The following FOXP2 variants were observed in gnomAD, a reference collection of about 807,000 sequenced individuals.
The protein encoded by FOXP2 is forkhead box protein P2.
In FOXP2, 12 loss-of-function variants were observed where a neutral mutation model predicts 115.8. That is an observed-to-expected ratio of 0.10 (90% CI 0.07 to 0.17). The LOEUF is 0.17. Among genes scored for constraint, FOXP2 ranks in the 10% least tolerant of loss-of-function variants. The probability of loss-of-function intolerance (pLI) is 1.00; values close to 1 mark genes in which losing one functional copy is unlikely to be tolerated. For synonymous variants in FOXP2, 328 were observed against 297.7 expected (o/e 1.10, Z -1.05); for missense variants, 629 against 843.5 (o/e 0.75, Z 3.15).
chr7:114,165,370 A>G (rs1366561784), intron 1 of FOXP2, among the ~76,000 whole-genome samples: 1 of 152,246 alleles, frequency 6.6e-6, no homozygotes, highest in African/African-American at 2.4e-5. Context: ...GATTGTCTGT[A>G]TAGAAAATCC....
At chr7:114,447,924 A>T (rs1166665951) in intron 2 of FOXP2, among the ~76,000 whole-genome samples, 1 of 152,174 alleles carries the variant, frequency 6.6e-6, no homozygotes, top group East Asian at 1.9e-4. Context: ...AGCTGGAATG[A>T]AACATTTCAG....
intron 1 of FOXP2, among the ~76,000 whole-genome samples, chr7:114,280,756 AAGGGTATT>A (rs1446655003): frequency 6.6e-6 from 1 of 152,162 alleles, no homozygotes; most frequent in Non-Finnish European, 1.5e-5. Flanking sequence ...AGAAATTCAG[AAGGGTATT>A]AGGTTGTGAT....
intron 1 of FOXP2, among the ~76,000 whole-genome samples, chr7:114,090,813 CTT>C: frequency 6.8e-6 from 1 of 146,080 alleles, no homozygotes; most frequent in Middle Eastern, 3.6e-3. Context: ...ATTCTTGGAA[CTT>C]TTTTTTTTTC....
intron 3 of FOXP2, among the ~76,000 whole-genome samples, chr7:114,576,687 G>A (rs2129298939): frequency 6.6e-6 from 1 of 151,938 alleles, no homozygotes. Flanking sequence ...ACTGTATTTT[G>A]CATTTTAAAG....
chr7:114,637,236 A>T (rs780655158), intron 6 of FOXP2, among the ~76,000 whole-genome samples: 9 of 152,164 alleles, frequency 5.9e-5, no homozygotes, highest in Non-Finnish European at 1.3e-4. Context: ...CCTTTCATTT[A>T]CTCAGCTCCT....
At position 114,644,814 on chromosome 7, in the gene FOXP2, G is replaced by A. The variant is rs939563150; in HGVS notation, c.1094+25G>A. ...AGTAGGTTTTTTACTTTTTTTTGGT[G>A]GGGGGCGGGGGCTGGATTATATGGG... On this transcript the variant is annotated intron_variant, in intron 8 of 16. Transcript: ENST00000350908. 7.0e-6 allele frequency: 11 copies of A among 1,567,746 alleles called. No homozygotes were observed. In the Admixed American group the frequency reaches 8.4e-5, roughly 12 times the overall value.
intron 1 of FOXP2, among the ~76,000 whole-genome samples, chr7:114,211,022 CG>C (rs1202437965): frequency 6.6e-6 from 1 of 152,140 alleles, no homozygotes; most frequent in Middle Eastern, 3.2e-3. Context: ...TCTACCTAAA[CG>C]CAGAGATGAT....
At chr7:114,264,169 T>C (rs1285628673) in intron 1 of FOXP2, among the ~76,000 whole-genome samples, 2 of 152,130 alleles carry the variant, frequency 1.3e-5, no homozygotes, top group Non-Finnish European at 2.9e-5. Flanking sequence ...CTTATTCTAG[T>C]ATGATTATAC....
rs141829173 is a variant in FOXP2 at position 114,581,653 on chromosome 7, C to G, written c.259-46887C>G. Among the ~76,000 whole-genome samples, 226 of 152,292 alleles carry G rather than the reference C, an allele frequency of 1.5e-3. 1 individual carries two copies. The highest frequency in any genetic ancestry group is 5.0e-3 in the African/African-American group (209 of 41,570). ...AGTCCATAGATTACATTAGGGTTCA[C>G]TCTTGGTGTTGTACATTCTATGGGT... On this transcript the variant is annotated intron_variant, in intron 3 of 16. Transcript: ENST00000350908.
At chr7:114,332,592 G>A (rs978424607) in intron 2 of FOXP2, among the ~76,000 whole-genome samples, 3 of 152,006 alleles carry the variant, frequency 2.0e-5, no homozygotes, top group Non-Finnish European at 2.9e-5. Context: ...TATTTTATTT[G>A]TCTTTTTCTG....
intron 1 of FOXP2, among the ~76,000 whole-genome samples, chr7:114,283,128 A>T (rs1484149539): frequency 6.6e-6 from 1 of 152,148 alleles, no homozygotes; most frequent in Non-Finnish European, 1.5e-5. Context: ...CTTCACTGAA[A>T]TGTTGGTTAT....
intron 2 of FOXP2, among the ~76,000 whole-genome samples, chr7:114,391,884 GA>G (rs1363090285): frequency 1.3e-5 from 2 of 152,098 alleles, no homozygotes; most frequent in African/African-American, 4.8e-5. Context: ...TCTGTACTCT[GA>G]AAAGCATACT....
chr7:114,091,325 C>T lies in FOXP2; in HGVS notation c.-247+3487C>T, dbSNP rs561685246. On this transcript the variant is annotated intron_variant, in intron 1 of 19. Coordinates refer to the FOXP2 transcript ENST00000635638. ...TTTTAGAGAAGATTTAGATTTCTTACGTTGCAACACTTTTAGTATTAAAAT... is the reference window on the plus strand; with the variant it reads ...TTTTAGAGAAGATTTAGATTTCTTATGTTGCAACACTTTTAGTATTAAAAT... Among the ~76,000 whole-genome samples the T allele has an allele frequency of 6.2e-4, 94 of 151,832 alleles. No individual in the cohort carries two copies. The Middle Eastern group carries it at 0.017, about 27-fold the overall frequency.
At chr7:114,480,368 T>C (rs1796471980) in intron 2 of FOXP2, among the ~76,000 whole-genome samples, 1 of 151,646 alleles carries the variant, frequency 6.6e-6, no homozygotes, top group South Asian at 2.1e-4. Context: ...ACTGGAAAGT[T>C]GTCTAGAAAA....
chr7:114,304,691 A>G (rs551635052), intron 2 of FOXP2, among the ~76,000 whole-genome samples: 1 of 150,650 alleles, frequency 6.6e-6, no homozygotes, highest in African/African-American at 2.4e-5. Flanking sequence ...AAAAAAAAAA[A>G]AAAAAGAGTG....
chr7:114,431,102 A>G (rs2129207284), intron 2 of FOXP2, among the ~76,000 whole-genome samples: 1 of 152,110 alleles, frequency 6.6e-6, no homozygotes, highest in East Asian at 1.9e-4. Flanking sequence ...GTGGTAGCAT[A>G]TTCATTGTGC....
intron 9 of FOXP2, among the ~76,000 whole-genome samples, chr7:114,652,888 A>G (rs1013557676): frequency 6.6e-6 from 1 of 152,152 alleles, no homozygotes; most frequent in African/African-American, 2.4e-5. Context: ...AAAAAATTCT[A>G]TTAATGTTGA....
intron 1 of FOXP2, among the ~76,000 whole-genome samples, chr7:114,284,578 T>C (rs969667033): frequency 3.9e-5 from 6 of 152,078 alleles, no homozygotes; most frequent in Non-Finnish European, 8.8e-5. Context: ...ATCTATGCTA[T>C]GGAAAAAAAG....
intron 1 of FOXP2, among the ~76,000 whole-genome samples, chr7:114,244,626 AT>A (rs1795232816): frequency 6.6e-6 from 1 of 152,206 alleles, no homozygotes; most frequent in Non-Finnish European, 1.5e-5. Flanking sequence ...TTATATCTTT[AT>A]ACCTATTTCT....
Sources: allele counts gnomAD v4.1 joint callset (sites outside exome capture counted in the v4.1 genomes callset), GRCh38; gene constraint gnomAD v4.1.1; transcripts MANE v1.5; gene names NCBI Gene and HGNC (gene_info 2026-07-23, HGNC 2026-07-21).